The following SLC30A8 variants were observed in gnomAD, a reference collection of about 807,000 sequenced individuals.
SLC30A8 encodes proton-coupled zinc antiporter SLC30A8.
In SLC30A8, 27 loss-of-function variants were observed where a neutral mutation model predicts 36.9. The observed-to-expected ratio is 0.73, with a 90% confidence interval of 0.54 to 1.01. The LOEUF is 1.01. SLC30A8 is among the 50% of genes least tolerant of loss of function. The pLI is 0.00. For synonymous variants in SLC30A8, 164 were observed against 172.4 expected (o/e 0.95, Z 0.38); for missense variants, 439 against 452.0 (o/e 0.97, Z 0.26).
intron 2 of SLC30A8, among the ~76,000 whole-genome samples, chr8:117,046,697 A>C (rs530150854): frequency 6.6e-6 from 1 of 152,314 alleles, no homozygotes; most frequent in South Asian, 2.1e-4. Flanking sequence ...AACTAAGACG[A>C]AGCTGTGTCC....
At chr8:117,002,445 T>C (rs1311989501) in intron 1 of SLC30A8, among the ~76,000 whole-genome samples, 1 of 152,192 alleles carries the variant, frequency 6.6e-6, no homozygotes, top group East Asian at 1.9e-4. Context: ...ACATTGGTTA[T>C]TCCAAATAAG....
rs137889866 is a variant in SLC30A8 at position 117,067,117 on chromosome 8, C to T, written c.-226+27859C>T. On this transcript the variant is annotated intron_variant, in intron 2 of 10. Coordinates refer to the SLC30A8 transcript ENST00000427715. ...GGGGAAAAACCCCTTATAAAACCATCGAATCTCTTGAGAACGCTCACTATC... is the reference window on the plus strand; with the variant it reads ...GGGGAAAAACCCCTTATAAAACCATTGAATCTCTTGAGAACGCTCACTATC... Among the ~76,000 whole-genome samples, 884 of 152,152 alleles carry T rather than the reference C, an allele frequency of 5.8e-3. 2 individuals are homozygous for T. The highest frequency in any genetic ancestry group is 0.014 in the Middle Eastern group (4 of 294).
chr8:117,170,760 A>G (rs1337214200), intron 6 of SLC30A8, among the ~76,000 whole-genome samples: 1 of 152,206 alleles, frequency 6.6e-6, no homozygotes, highest in Non-Finnish European at 1.5e-5. Flanking sequence ...TGGAAAAGGC[A>G]CAGTTAGTTT....
rs182653270 is a variant in SLC30A8 at position 117,145,391 on chromosome 8, A to G, written c.72-1563A>G. Among the ~76,000 whole-genome samples the G allele has an allele frequency of 6.3e-4, 96 of 152,094 alleles. 2 individuals are homozygous for G. The highest frequency in any genetic ancestry group is 2.2e-3 in the African/African-American group (92 of 41,528). On this transcript the variant is annotated intron_variant, in intron 1 of 7. Transcript: ENST00000456015. ...TTTTTTGTAATCCAGATTTTCTATAATGAATATATATTATTTTATTCAGAA... is the reference window on the plus strand; with the variant it reads ...TTTTTTGTAATCCAGATTTTCTATAGTGAATATATATTATTTTATTCAGAA...
chr8:117,007,884 A>G (rs1457766452), intron 1 of SLC30A8, among the ~76,000 whole-genome samples: 1 of 152,224 alleles, frequency 6.6e-6, no homozygotes, highest in Non-Finnish European at 1.5e-5. Context: ...GATGTACACA[A>G]AAACACTTAA....
intron 2 of SLC30A8, among the ~76,000 whole-genome samples, chr8:117,084,123 G>T (rs1818776829): frequency 6.6e-6 from 1 of 152,090 alleles, no homozygotes; most frequent in Admixed American, 6.6e-5. Flanking sequence ...ACCTCTTGAG[G>T]CCAATGAAGT....
At chr8:117,164,585 A>G (rs1822966283) in intron 6 of SLC30A8, among the ~76,000 whole-genome samples, 1 of 152,176 alleles carries the variant, frequency 6.6e-6, no homozygotes, top group African/African-American at 2.4e-5. Flanking sequence ...ACAAAATAAA[A>G]TAAATAAAAA....
At chr8:117,071,954 T>C (rs977084198) in intron 2 of SLC30A8, among the ~76,000 whole-genome samples, 1 of 152,190 alleles carries the variant, frequency 6.6e-6, no homozygotes, top group African/African-American at 2.4e-5. Context: ...TTCTCTGCCT[T>C]GTTTTGTTCT....
upstream of SLC30A8, among the ~76,000 whole-genome samples, chr8:117,133,221 G>A (rs1243213062): frequency 6.6e-6 from 1 of 151,844 alleles, no homozygotes; most frequent in Admixed American, 6.6e-5. Flanking sequence ...TTTTGACAGG[G>A]GGTAGCAGTA....
At chr8:117,017,133 A>G (rs963987428) in intron 1 of SLC30A8, among the ~76,000 whole-genome samples, 3 of 152,130 alleles carry the variant, frequency 2.0e-5, no homozygotes, top group Non-Finnish European at 4.4e-5. Context: ...TTATAGGGTT[A>G]TTTAGAGATT....
intron 2 of SLC30A8, among the ~76,000 whole-genome samples, chr8:117,097,392 A>C (rs1819421536): frequency 1.1e-5 from 1 of 90,418 alleles, no homozygotes; most frequent in African/African-American, 5.7e-5. Context: ...GCAAGACTCC[A>C]TCTCAAAAAA....
intron 1 of SLC30A8, among the ~76,000 whole-genome samples, chr8:117,012,758 C>CACACACACAT: frequency 6.6e-6 from 1 of 150,420 alleles, no homozygotes; most frequent in Non-Finnish European, 1.5e-5. Context: ...CACACACACA[C>CACACACACAT]ACGGTGGATC....
intron 4 of SLC30A8, among the ~76,000 whole-genome samples, chr8:117,159,717 A>G (rs902181195): frequency 6.6e-6 from 1 of 152,214 alleles, no homozygotes; most frequent in African/African-American, 2.4e-5. Context: ...TCCGCTTTGC[A>G]TAAGGAGAAC....
chr8:117,168,526 G>A (rs1280990593), intron 6 of SLC30A8, among the ~76,000 whole-genome samples: 2 of 152,080 alleles, frequency 1.3e-5, no homozygotes. Flanking sequence ...AAAGTTCTAG[G>A]ATGTGATGGA....
In SLC30A8 at chr8:117,006,962, T is replaced by TG. The variant is rs1313675595; in HGVS notation, c.-265-32257_-265-32256insG. On this transcript the variant is annotated intron_variant, in intron 1 of 10. Coordinates refer to the SLC30A8 transcript ENST00000427715. ...CCCGCTTGGCTAATTCTTGTTTTTT[T>TG]TTTTTTTTTTTTTTTTTTTTTTCTG... The TG allele has an allele frequency of 2.5e-3, 210 of 84,936 alleles. 2 individuals are homozygous for TG. The highest frequency in any genetic ancestry group is 8.6e-3 in the African/African-American group (198 of 22,902). 5.3% of individuals were successfully genotyped at this position (84,936 alleles called of 1,614,324 possible). A position where few individuals can be genotyped will look rare whatever the true frequency, so the allele number is the denominator to read the frequency against.
intron 1 of SLC30A8, among the ~76,000 whole-genome samples, chr8:117,036,910 T>A (rs1817232308): frequency 6.6e-6 from 1 of 152,148 alleles, no homozygotes; most frequent in Admixed American, 6.5e-5. Context: ...TTCTGATAAA[T>A]CTTTCTGCCT....
chr8:117,074,804 A>C (rs114757206), intron 2 of SLC30A8, among the ~76,000 whole-genome samples: 1 of 152,112 alleles, frequency 6.6e-6, no homozygotes, highest in African/African-American at 2.4e-5. Flanking sequence ...TCCATCCTTC[A>C]TATCTCATTA....
intron 1 of SLC30A8, among the ~76,000 whole-genome samples, chr8:116,959,570 G>A (rs899393986): frequency 5.3e-5 from 8 of 151,952 alleles, no homozygotes; most frequent in African/African-American, 1.9e-4. Flanking sequence ...AAATATTCTT[G>A]CAGTTTTTTT....
chr8:117,150,096 A>G (rs1822105206), intron 2 of SLC30A8, among the ~76,000 whole-genome samples: 1 of 152,248 alleles, frequency 6.6e-6, no homozygotes, highest in Non-Finnish European at 1.5e-5. Context: ...TCGACATTAT[A>G]AACAAAGGAA....
Sources: gnomAD v4.1 joint callset for allele counts (sites outside exome capture counted in the v4.1 genomes callset) on GRCh38, gnomAD v4.1.1 for gene constraint, MANE v1.5 for transcripts, NCBI Gene and HGNC (gene_info 2026-07-23, HGNC 2026-07-21) for gene names.